Variants in FGF14 observed in about 807,000 individuals in gnomAD.
FGF14 encodes the protein fibroblast growth factor homologous factor 4.
Under a neutral mutation model 25.5 loss-of-function variants are expected in FGF14, and 5 were observed. That is an observed-to-expected ratio of 0.20 (90% CI 0.10 to 0.41). The LOEUF (loss-of-function observed/expected upper bound fraction) is 0.41, where lower values mean the gene tolerates loss of function less well. FGF14 is among the 10% of genes least tolerant of loss of function. The pLI, the probability that FGF14 is intolerant of heterozygous loss-of-function variation, is 1.00. For missense variants in FGF14, 222 were observed against 320.1 expected, an observed-to-expected ratio of 0.69 and a Z score of 2.34; for synonymous variants, 138 against 118.3, an observed-to-expected ratio of 1.17 and a Z score of -1.08.
chr13:101,883,368 G>T (rs1322656787), intron 1 of FGF14, among the ~76,000 whole-genome samples: 1 of 152,106 alleles, frequency 6.6e-6, no homozygotes, highest in Non-Finnish European at 1.5e-5. Flanking sequence ...ATTTTACATT[G>T]GAAAACAGGA....
chr13:101,919,428 T>A (rs2033830351), upstream of FGF14, among the ~76,000 whole-genome samples: 1 of 151,932 alleles, frequency 6.6e-6, no homozygotes, highest in African/African-American at 2.4e-5. Flanking sequence ...TTGATGTATG[T>A]GCCAACAATA....
At chr13:102,177,967 T>C (rs1291486075) in intron 1 of FGF14, among the ~76,000 whole-genome samples, 4 of 151,960 alleles carry the variant, frequency 2.6e-5, no homozygotes, top group Non-Finnish European at 1.5e-5. Context: ...ATAGCACATG[T>C]CTCTCTCAGT....
At chr13:101,786,173 T>C (rs2039813316) in intron 3 of FGF14, among the ~76,000 whole-genome samples, 2 of 152,160 alleles carry the variant, frequency 1.3e-5, no homozygotes. Context: ...GACCACACCT[T>C]CAACCTCACC....
intron 1 of FGF14, among the ~76,000 whole-genome samples, chr13:101,998,624 G>A (rs931370470): frequency 6.6e-6 from 1 of 152,164 alleles, no homozygotes; most frequent in African/African-American, 2.4e-5. Context: ...TACAGATTCT[G>A]TGCAAGACCT....
chr13:102,303,193 C>T (rs2055168265), intron 1 of FGF14, among the ~76,000 whole-genome samples: 1 of 152,142 alleles, frequency 6.6e-6, no homozygotes, highest in Admixed American at 6.6e-5. Flanking sequence ...CCCCAGACAC[C>T]TGTATGCTCT....
chr13:102,270,252 CTG>C (rs771196472), intron 1 of FGF14, among the ~76,000 whole-genome samples: 1 of 151,898 alleles, frequency 6.6e-6, no homozygotes, highest in Admixed American at 6.6e-5. Flanking sequence ...CTCTCTCTCT[CTG>C]TGTGTCTCTA....
chr13:102,318,267 G>T (rs951813477), intron 1 of FGF14, among the ~76,000 whole-genome samples: 1 of 152,158 alleles, frequency 6.6e-6, no homozygotes, highest in African/African-American at 2.4e-5. Flanking sequence ...AGTGCCCTGG[G>T]TGCCATAGGA....
At chr13:102,020,061 G>A (rs1215713107) in intron 1 of FGF14, among the ~76,000 whole-genome samples, 4 of 152,080 alleles carry the variant, frequency 2.6e-5, no homozygotes, top group Non-Finnish European at 5.9e-5. Context: ...TTTATATAAA[G>A]CAGTCATTTG....
intron 1 of FGF14, among the ~76,000 whole-genome samples, chr13:102,099,887 T>C (rs879428830): frequency 2.0e-5 from 3 of 152,196 alleles, no homozygotes; most frequent in Non-Finnish European, 4.4e-5. Context: ...TCAGGTACAT[T>C]CAGGGTAATT....
At chr13:102,391,044 T>C (rs1485224570) in intron 1 of FGF14, among the ~76,000 whole-genome samples, 1 of 152,224 alleles carries the variant, frequency 6.6e-6, no homozygotes, top group African/African-American at 2.4e-5. Flanking sequence ...CAGACAACTA[T>C]TTTATTATTT....
chr13:102,288,813 A>T (rs1247109316), intron 1 of FGF14, among the ~76,000 whole-genome samples: 1 of 151,958 alleles, frequency 6.6e-6, no homozygotes, highest in Non-Finnish European at 1.5e-5. Context: ...TCAAACTCCT[A>T]ACCTCAAGTG....
intron 1 of FGF14, among the ~76,000 whole-genome samples, chr13:102,220,916 T>C (rs2050582554): frequency 6.6e-6 from 1 of 152,166 alleles, no homozygotes; most frequent in Non-Finnish European, 1.5e-5. Flanking sequence ...TTAATCTCCT[T>C]GACATTCCTC....
chr13:101,940,528 A>T (rs1375389548), intron 1 of FGF14, among the ~76,000 whole-genome samples: 4 of 152,156 alleles, frequency 2.6e-5, no homozygotes, highest in Admixed American at 6.5e-5. Flanking sequence ...GCTTTTTTCT[A>T]CTTGAACTAC....
intron 1 of FGF14, among the ~76,000 whole-genome samples, chr13:102,072,839 A>C (rs928644272): frequency 9.9e-5 from 15 of 152,244 alleles, no homozygotes; most frequent in Non-Finnish European, 1.9e-4. Flanking sequence ...CAAATGTCTT[A>C]CTGGAGGAGG....
intron 1 of FGF14, among the ~76,000 whole-genome samples, chr13:102,098,417 C>T (rs648233): frequency 0.9 from 137,380 of 152,272 alleles, 62,192 homozygotes; most frequent in East Asian, 1. Context: ...TAAGTATCAA[C>T]TTTTTTATTA....
intron 1 of FGF14, among the ~76,000 whole-genome samples, chr13:102,275,666 G>A (rs1015695688): frequency 6.9e-6 from 1 of 145,198 alleles, no homozygotes; most frequent in African/African-American, 2.4e-5. Flanking sequence ...ACTAGATTTC[G>A]GAACACAAAT....
At chr13:101,903,238 GGT>G (rs3065974) in intron 1 of FGF14, among the ~76,000 whole-genome samples, 359 of 149,440 alleles carry the variant, frequency 2.4e-3, no homozygotes, top group African/African-American at 7.9e-3. Context: ...CTCTAATTGT[GGT>G]GTGTGTGTGT....
At chr13:101,932,957 C>T (rs920560305) in intron 1 of FGF14, among the ~76,000 whole-genome samples, 2 of 152,098 alleles carry the variant, frequency 1.3e-5, no homozygotes, top group African/African-American at 2.4e-5. Flanking sequence ...AAACAGCTAA[C>T]GAGCTACAGT....
intron 1 of FGF14, among the ~76,000 whole-genome samples, chr13:101,912,758 T>C (rs1026658848): frequency 6.6e-6 from 1 of 152,126 alleles, no homozygotes; most frequent in Non-Finnish European, 1.5e-5. Flanking sequence ...GTAAAAAAGG[T>C]ATAAAATTTG....
Sources: gnomAD v4.1 joint callset for allele counts (sites outside exome capture counted in the v4.1 genomes callset) on GRCh38, gnomAD v4.1.1 for gene constraint, MANE v1.5 for transcripts, NCBI Gene and HGNC (gene_info 2026-07-23, HGNC 2026-07-21) for gene names.